Variants in PTPRS observed in about 807,000 individuals in gnomAD.
PTPRS encodes the protein protein tyrosine phosphatase receptor type S.
A neutral mutation model predicts 215.3 loss-of-function variants in PTPRS; 63 were observed. The ratio of observed to expected loss-of-function variants is 0.29; its 90% CI spans 0.24 to 0.36. The LOEUF (loss-of-function observed/expected upper bound fraction) is 0.36, where lower values mean the gene tolerates loss of function less well. PTPRS is among the 10% of genes least tolerant of loss of function. PTPRS has a pLI of 1.00. For synonymous variants in PTPRS, 1,404 were observed against 1,191.4 expected, an observed-to-expected ratio of 1.18 and a Z score of -3.68; for missense variants, 2,258 against 2,825.8, an observed-to-expected ratio of 0.80 and a Z score of 4.56.
Position 5,237,334 on chromosome 19 carries a change from T to C in PTPRS, c.1849+1585A>G, listed in dbSNP as rs2043546502. Among the ~76,000 whole-genome samples, 1 of 152,220 alleles carries C rather than the reference T, an allele frequency of 6.6e-6. No individual in the cohort carries two copies. Among genetic ancestry groups the C allele is most frequent in the African/African-American group, 2.4e-5 (1 of 41,464 alleles). On this transcript the variant is annotated intron_variant, in intron 13 of 37. Transcript: ENST00000262963. The surrounding 1 kb of genome is among the most constrained non-coding windows in gnomAD (Gnocchi z 4.2). Reference sequence around the variant, plus strand: ...CCTGGCCCTGAGTCTTTGCTGTCGGTTCTCCTGGGCCCCACCCGTCTCGGG... The same window carrying C: ...CCTGGCCCTGAGTCTTTGCTGTCGGCTCTCCTGGGCCCCACCCGTCTCGGG...
intron 1 of PTPRS, among the ~76,000 whole-genome samples, chr19:5,292,534 C>A (rs967219424): frequency 6.6e-6 from 1 of 152,200 alleles, no homozygotes; most frequent in Non-Finnish European, 1.5e-5. Flanking sequence ...CTGCCCTGAC[C>A]GTCTCAGAAG....
At chr19:5,261,751 G>A (rs921716756) in intron 6 of PTPRS, among the ~76,000 whole-genome samples, 1 of 152,222 alleles carries the variant, frequency 6.6e-6, no homozygotes, top group African/African-American at 2.4e-5. Flanking sequence ...TGGGCACTGA[G>A]CCTAGCTCTC....
chr19:5,224,162 G>C (rs993089372), intron 17 of PTPRS, among the ~76,000 whole-genome samples: 1 of 124,170 alleles, frequency 8.1e-6, no homozygotes, highest in African/African-American at 3.3e-5. Context: ...CCGGGCAACA[G>C]AGCAAGACTC....
chr19:5,247,824 G>A (rs57864694), intron 9 of PTPRS, among the ~76,000 whole-genome samples: 6,311 of 151,984 alleles, frequency 0.042, 442 homozygotes, highest in African/African-American at 0.14. Flanking sequence ...CCGGGCGGGA[G>A]GCAAAGAGAA....
chr19:5,276,538 TTTTTTG>T (rs1346796979), intron 2 of PTPRS, among the ~76,000 whole-genome samples: 6 of 150,000 alleles, frequency 4.0e-5, no homozygotes, highest in Non-Finnish European at 7.4e-5. Context: ...TACGTGTTTT[TTTTTTG>T]TTTTTGTTTT....
At chr19:5,337,437 A>G (rs2050541861) in intron 1 of PTPRS, among the ~76,000 whole-genome samples, 1 of 152,012 alleles carries the variant, frequency 6.6e-6, no homozygotes. Flanking sequence ...CCCACTAACT[A>G]TTGTATTGGG....
rs1009084319 is a variant in PTPRS, at chr19:5,210,270, G to A, written c.5487+199C>T. Among the ~76,000 whole-genome samples, 1 of 152,210 alleles carries A rather than the reference G, an allele frequency of 6.6e-6. No individual in the cohort carries two copies. Among genetic ancestry groups the A allele is most frequent in the Non-Finnish European group, 1.5e-5 (1 of 68,042 alleles). On this transcript the variant is annotated intron_variant, in intron 35 of 37. Coordinates refer to ENST00000262963, the MANE Select transcript of PTPRS (RefSeq NM_002850.4). This position sits in a 1 kb window ranked among gnomAD's most constrained non-coding sequence, Gnocchi z 4.5. ...ATGTTCCCTAGTGAGTGGAGACACTGCAGGGTCAGCACAGAGATAAGACCC... is the reference window on the plus strand; with the variant it reads ...ATGTTCCCTAGTGAGTGGAGACACTACAGGGTCAGCACAGAGATAAGACCC...
At chr19:5,331,520 G>C (rs552120858) in intron 1 of PTPRS, among the ~76,000 whole-genome samples, 2 of 152,260 alleles carry the variant, frequency 1.3e-5, no homozygotes, top group East Asian at 3.9e-4. Flanking sequence ...ACACAGAGTT[G>C]AGCAGCATCT....
intron 1 of PTPRS, among the ~76,000 whole-genome samples, chr19:5,333,826 C>G (rs985362581): frequency 1.3e-5 from 2 of 152,202 alleles, no homozygotes; most frequent in Non-Finnish European, 2.9e-5. Flanking sequence ...AGGTTTCCAG[C>G]AATCCTGATG....
chr19:5,247,323 T>C (rs2044591855), intron 9 of PTPRS, among the ~76,000 whole-genome samples: 1 of 151,974 alleles, frequency 6.6e-6, no homozygotes, highest in Non-Finnish European at 1.5e-5. Flanking sequence ...TCAAAGACCA[T>C]GAAGGCAGCA....
At chr19:5,337,325 C>T (rs2050537355) in intron 1 of PTPRS, among the ~76,000 whole-genome samples, 3 of 152,380 alleles carry the variant, frequency 2.0e-5, no homozygotes, top group East Asian at 1.9e-4. Context: ...GCGGCTGCAC[C>T]GTCACAGAAA....
At chr19:5,305,763 A>ATT (rs1336026523) in intron 1 of PTPRS, among the ~76,000 whole-genome samples, 76 of 113,664 alleles carry the variant, frequency 6.7e-4, no homozygotes, top group East Asian at 2.9e-3. Flanking sequence ...ATATATATAT[A>ATT]TATTTTTTTT....
At chr19:5,218,636 C>T in intron 24 of PTPRS, 104 bp from the exon 25 acceptor site, 1 of 1,512,246 alleles carries the variant, frequency 6.6e-7, no homozygotes, top group Non-Finnish European at 9.2e-7. Flanking sequence ...GACCATGGAC[C>T]CGTATGACTA....
chr19:5,295,042 G>A lies in PTPRS; in HGVS notation c.-94-8808C>T, dbSNP rs2049092596. Among the ~76,000 whole-genome samples, 1 of 152,210 alleles carries A rather than the reference G, an allele frequency of 6.6e-6. No homozygotes were observed. Among genetic ancestry groups the A allele is most frequent in the Non-Finnish European group, 1.5e-5 (1 of 68,040 alleles). On this transcript the variant is annotated intron_variant, in intron 1 of 37. Transcript: ENST00000262963. The surrounding 1 kb of genome is among the most constrained non-coding windows in gnomAD (Gnocchi z 4.6). Reference sequence around the variant, plus strand: ...AGCGTGACCTCCCCAACTTGGCTGGGCACACAGTGGGCCCTCAGGAGCAGA... The same window carrying A: ...AGCGTGACCTCCCCAACTTGGCTGGACACACAGTGGGCCCTCAGGAGCAGA...
At chr19:5,221,309 C>G (rs1450585270) in intron 19 of PTPRS, 56 bp from the exon 20 acceptor site, 2 of 1,559,190 alleles carry the variant, frequency 1.3e-6, no homozygotes, top group African/African-American at 1.4e-5. Context: ...ATGGACTGAG[C>G]CCCAGCTCCA....
intron 17 of PTPRS, among the ~76,000 whole-genome samples, 182 bp downstream of exon 17, chr19:5,225,545 G>C (rs530624800): frequency 8.1e-6 from 1 of 123,156 alleles, no homozygotes; most frequent in South Asian, 2.4e-4. Flanking sequence ...AGGCAGGGGC[G>C]GGGGGGGCCA....
intron 1 of PTPRS, among the ~76,000 whole-genome samples, chr19:5,315,045 CA>C (rs2147177538): frequency 6.6e-6 from 1 of 152,216 alleles, no homozygotes; most frequent in East Asian, 1.9e-4. Flanking sequence ...TGATGCTTCA[CA>C]AAGACCTTGT....
intron 8 of PTPRS, 108 bp from the exon 9 acceptor site, chr19:5,256,227 G>A: frequency 1.2e-6 from 1 of 806,664 alleles, no homozygotes; most frequent in South Asian, 3.3e-5. Flanking sequence ...GCTAAAAGCT[G>A]CAATAGTTTG....
rs560076372 is a variant in PTPRS at position 5,265,177 on chromosome 19, G to A, written c.399C>T (p.Gly133=). 6.2e-7 allele frequency: 1 copy of A among 1,613,770 alleles called. No individual in the cohort carries two copies. The highest frequency in any genetic ancestry group is 1.1e-5 in the South Asian group (1 of 91,022). ...TVLREDQLPS[G]FPNIDMGPQL... Reference sequence around the variant, plus strand: ...GTGGGCCCATGTCGATGTTGGGGAAGCCAGAGGGCAGCTGGTCCTCTGAGG... The same window carrying A: ...GTGGGCCCATGTCGATGTTGGGGAAACCAGAGGGCAGCTGGTCCTCTGAGG... Residue 133 remains glycine (G), a synonymous_variant, in exon 5 of 38, where the codon GGC becomes GGT. Transcript: ENST00000262963.
Sources: allele counts gnomAD v4.1 joint callset (sites outside exome capture counted in the v4.1 genomes callset), GRCh38; gene constraint gnomAD v4.1.1; non-coding constraint Gnocchi (gnomAD v3.1); transcripts MANE v1.5; gene names NCBI Gene and HGNC (gene_info 2026-07-23, HGNC 2026-07-21).